The following UNC5D variants were observed in gnomAD, a reference collection of about 807,000 sequenced individuals.
UNC5D encodes the protein netrin receptor UNC5D.
In UNC5D, 39 loss-of-function variants were observed where a neutral mutation model predicts 105.4. The ratio of observed to expected loss-of-function variants is 0.37; its 90% CI spans 0.29 to 0.48. UNC5D has a LOEUF of 0.48. Among genes scored for constraint, UNC5D ranks in the 20% least tolerant of loss-of-function variants. UNC5D has a pLI of 0.98. For synonymous variants in UNC5D, 452 were observed against 450.4 expected (o/e 1.00, Z -0.04); for missense variants, 991 against 1,202.4 (o/e 0.82, Z 2.60).
chr8:35,302,599 G>A (rs1473791652), intron 1 of UNC5D, among the ~76,000 whole-genome samples: 1 of 152,072 alleles, frequency 6.6e-6, no homozygotes, highest in Non-Finnish European at 1.5e-5. Flanking sequence ...GCTGTCTGAA[G>A]GCACAATAGA....
chr8:35,476,270 T>C (rs1480293289), intron 1 of UNC5D, among the ~76,000 whole-genome samples: 2 of 152,184 alleles, frequency 1.3e-5, no homozygotes, highest in Non-Finnish European at 2.9e-5. Flanking sequence ...ACAAGTACAC[T>C]GGAATAGGCA....
chr8:35,513,929 A>AT (rs902482328), intron 1 of UNC5D, among the ~76,000 whole-genome samples: 7 of 152,234 alleles, frequency 4.6e-5, no homozygotes, highest in Non-Finnish European at 1.0e-4. Context: ...TTTTTAAGCT[A>AT]TTGCAAACAT....
intron 1 of UNC5D, among the ~76,000 whole-genome samples, chr8:35,447,346 C>T (rs1807866485): frequency 6.6e-6 from 1 of 151,952 alleles, no homozygotes; most frequent in Non-Finnish European, 1.5e-5. Context: ...TGTCCAAGGA[C>T]AAATGGCTAG....
intron 2 of UNC5D, among the ~76,000 whole-genome samples, chr8:35,555,254 A>G (rs1816457588): frequency 6.6e-6 from 1 of 152,150 alleles, no homozygotes; most frequent in South Asian, 2.1e-4. Flanking sequence ...CTCAGAGAAG[A>G]CTGACATATT....
intron 14 of UNC5D, among the ~76,000 whole-genome samples, chr8:35,763,228 T>TA (rs1454069360): frequency 1.3e-5 from 2 of 152,218 alleles, no homozygotes; most frequent in African/African-American, 4.8e-5. Flanking sequence ...TCAGATTTTT[T>TA]AAAATGTTTG....
At chr8:35,457,217 A>C (rs566775307) in intron 1 of UNC5D, among the ~76,000 whole-genome samples, 4 of 152,332 alleles carry the variant, frequency 2.6e-5, no homozygotes, top group African/African-American at 7.2e-5. Flanking sequence ...ATTAAAACAA[A>C]ATAAAATTTA....
chr8:35,540,328 A>G (rs1324191221), intron 1 of UNC5D, among the ~76,000 whole-genome samples: 1 of 152,112 alleles, frequency 6.6e-6, no homozygotes, highest in Non-Finnish European at 1.5e-5. Flanking sequence ...AAATACATTT[A>G]TATTTTGTTT....
chr8:35,365,999 A>T (rs1281256834), intron 1 of UNC5D, among the ~76,000 whole-genome samples: 3 of 152,192 alleles, frequency 2.0e-5, no homozygotes. Flanking sequence ...CTCTGGCCAT[A>T]GTAAGTCACT....
At chr8:35,649,906 G>A (rs556734736) in intron 4 of UNC5D, among the ~76,000 whole-genome samples, 5 of 152,178 alleles carry the variant, frequency 3.3e-5, no homozygotes, top group East Asian at 3.9e-4. Context: ...TAGTATTCTC[G>A]TCTCCATCCT....
intron 1 of UNC5D, among the ~76,000 whole-genome samples, chr8:35,249,024 TGTTTATA>T (rs1242892532): frequency 2.7e-5 from 1 of 37,318 alleles, no homozygotes; most frequent in East Asian, 4.6e-3. Flanking sequence ...ATATTATATA[TGTTTATA>T]TAATATATAT....
intron 1 of UNC5D, among the ~76,000 whole-genome samples, chr8:35,424,174 A>G (rs1806096605): frequency 6.6e-6 from 1 of 152,168 alleles, no homozygotes; most frequent in African/African-American, 2.4e-5. Context: ...GAGACAATGT[A>G]TGGGAAAGAA....
chr8:35,694,558 C>CT (rs779479868), intron 7 of UNC5D, among the ~76,000 whole-genome samples: 2 of 152,226 alleles, frequency 1.3e-5, no homozygotes, highest in Non-Finnish European at 1.5e-5. Flanking sequence ...TTTCTCTAAG[C>CT]TTAAATTTGC....
At chr8:35,365,939 G>A (rs572976881) in intron 1 of UNC5D, among the ~76,000 whole-genome samples, 1 of 152,266 alleles carries the variant, frequency 6.6e-6, no homozygotes, top group African/African-American at 2.4e-5. Context: ...CTCACATTTT[G>A]TGGGGAGGAA....
At position 35,365,591 on chromosome 8, in the gene UNC5D, C is replaced by CAAAAAAAAAAAAAAAA. The variant is rs10715369; in HGVS notation, c.103+129715_103+129730dup. Among the ~76,000 whole-genome samples the CAAAAAAAAAAAAAAAA allele has an allele frequency of 1.4e-4, 7 of 49,884 alleles. 1 individual carries two copies. Among genetic ancestry groups the CAAAAAAAAAAAAAAAA allele is most frequent in the African/African-American group, 4.0e-4 (5 of 12,392 alleles). The allele number at this position is 49,884 out of a possible 152,430, so 32.7% of individuals were successfully genotyped here. A position where few individuals can be genotyped will look rare whatever the true frequency, so the allele number is the denominator to read the frequency against. ...TCTTAGGCTTTCATGCCATCCCCTG[C>CAAAAAAAAAAAAAAAA]AAAAAAAAAAAAAAAAAAAAAAAAA... On this transcript the variant is annotated intron_variant, in intron 1 of 16. Coordinates refer to ENST00000404895, the MANE Select transcript of UNC5D (RefSeq NM_080872.4).
At chr8:35,464,108 C>T (rs1809118945) in intron 1 of UNC5D, among the ~76,000 whole-genome samples, 2 of 152,068 alleles carry the variant, frequency 1.3e-5, no homozygotes, top group South Asian at 2.1e-4. Context: ...GAGTGGATCA[C>T]CTGAGGTCAG....
chr8:35,322,776 G>C (rs184110127), intron 1 of UNC5D, among the ~76,000 whole-genome samples: 1 of 152,204 alleles, frequency 6.6e-6, no homozygotes, highest in Non-Finnish European at 1.5e-5. Context: ...CAAGGTTTTG[G>C]CTCAGTACGT....
intron 1 of UNC5D, among the ~76,000 whole-genome samples, chr8:35,271,091 T>C (rs1249311754): frequency 6.6e-6 from 1 of 151,386 alleles, no homozygotes; most frequent in African/African-American, 2.4e-5. Context: ...TTCTGTCCTA[T>C]GGCTACATTG....
At chr8:35,500,467 A>G (rs1811890207) in intron 1 of UNC5D, among the ~76,000 whole-genome samples, 1 of 152,236 alleles carries the variant, frequency 6.6e-6, no homozygotes, top group African/African-American at 2.4e-5. Flanking sequence ...TATTAGGCTT[A>G]TAAGATGTTA....
chr8:35,705,172 G>C (rs893248729), intron 7 of UNC5D, among the ~76,000 whole-genome samples: 1 of 152,068 alleles, frequency 6.6e-6, no homozygotes, highest in African/African-American at 2.4e-5. Flanking sequence ...CACCGTGTTA[G>C]CCAGGATGGT....
Sources: allele counts gnomAD v4.1 joint callset (sites outside exome capture counted in the v4.1 genomes callset), GRCh38; gene constraint gnomAD v4.1.1; transcripts MANE v1.5; gene names NCBI Gene and HGNC (gene_info 2026-07-23, HGNC 2026-07-21).